Variants in PDGFRL observed in about 807,000 individuals in gnomAD.
PDGFRL encodes the protein platelet derived growth factor receptor like.
In PDGFRL, 46 loss-of-function variants were observed where a neutral mutation model predicts 37.2. The ratio of observed to expected loss-of-function variants is 1.24; its 90% CI spans 0.98 to 1.58. The LOEUF (loss-of-function observed/expected upper bound fraction) is 1.58, where lower values mean the gene tolerates loss of function less well. Among genes scored for constraint, PDGFRL ranks in the 40% most tolerant of loss-of-function variants. The probability of loss-of-function intolerance (pLI) is 0.00; values close to 1 mark genes in which losing one functional copy is unlikely to be tolerated. For synonymous variants in PDGFRL, 251 were observed against 184.3 expected (o/e 1.36, Z -2.93); for missense variants, 692 against 467.6 (o/e 1.48, Z -4.43).
At chr8:17,591,346 C>T (rs1803935552) in intron 2 of PDGFRL, among the ~76,000 whole-genome samples, 1 of 152,110 alleles carries the variant, frequency 6.6e-6, no homozygotes, top group Admixed American at 6.5e-5. Context: ...GTGTGAGAAG[C>T]AAGAAAGAAA....
At chr8:17,621,598 A>T (rs1367751565) in intron 3 of PDGFRL, among the ~76,000 whole-genome samples, 1 of 152,176 alleles carries the variant, frequency 6.6e-6, no homozygotes, top group Non-Finnish European at 1.5e-5. Flanking sequence ...ATGAAATAAA[A>T]TTAAGAACAA....
At chr8:17,582,310 C>T (rs778027685) in intron 1 of PDGFRL, among the ~76,000 whole-genome samples, 11 of 152,086 alleles carry the variant, frequency 7.2e-5, no homozygotes, top group Non-Finnish European at 4.4e-5. Context: ...TTAGGATCAG[C>T]CGGGCAGGGT....
At chr8:17,604,576 G>C (rs1464118594) in intron 2 of PDGFRL, among the ~76,000 whole-genome samples, 2 of 151,936 alleles carry the variant, frequency 1.3e-5, no homozygotes, top group African/African-American at 4.8e-5. Flanking sequence ...CACATACCGG[G>C]GACTGTTGTG....
intron 2 of PDGFRL, among the ~76,000 whole-genome samples, chr8:17,597,981 C>G (rs1804089442): frequency 7.9e-6 from 1 of 127,386 alleles, no homozygotes; most frequent in African/African-American, 2.5e-5. Flanking sequence ...GCATTGTGTT[C>G]TTACCTAGTT....
At chr8:17,629,444 T>C (rs1330726765) in intron 4 of PDGFRL, among the ~76,000 whole-genome samples, 1 of 152,160 alleles carries the variant, frequency 6.6e-6, no homozygotes, top group East Asian at 1.9e-4. Context: ...TAAACCCAAA[T>C]CTGCTGTCTC....
intron 2 of PDGFRL, among the ~76,000 whole-genome samples, chr8:17,593,751 G>A (rs1010483022): frequency 2.0e-5 from 3 of 152,018 alleles, no homozygotes; most frequent in Non-Finnish European, 4.4e-5. Context: ...AAAATTAGCT[G>A]GGCATGGTAC....
chr8:17,617,266 G>A (rs1321546906), intron 2 of PDGFRL, among the ~76,000 whole-genome samples: 4 of 152,324 alleles, frequency 2.6e-5, no homozygotes, highest in East Asian at 1.9e-4. Flanking sequence ...ATGTGTTGGC[G>A]TGTTCAGAGC....
At chr8:17,602,440 C>T (rs1053164375) in intron 2 of PDGFRL, among the ~76,000 whole-genome samples, 1 of 152,096 alleles carries the variant, frequency 6.6e-6, no homozygotes, top group Non-Finnish European at 1.5e-5. Flanking sequence ...AGTACACTCT[C>T]GGTCTGATGG....
intron 3 of PDGFRL, among the ~76,000 whole-genome samples, chr8:17,625,361 A>T (rs879617702): frequency 7.0e-4 from 107 of 152,014 alleles, no homozygotes; most frequent in South Asian, 3.5e-3. Context: ...CATGTTGTCC[A>T]GGAGGGTCTC....
At chr8:17,610,938 C>T (rs943028033) in intron 2 of PDGFRL, among the ~76,000 whole-genome samples, 3 of 152,162 alleles carry the variant, frequency 2.0e-5, no homozygotes, top group African/African-American at 7.2e-5. Flanking sequence ...TTGATGATTT[C>T]GTTGTTATTT....
At chr8:17,586,685 G>A (rs1803824911) in intron 1 of PDGFRL, among the ~76,000 whole-genome samples, 1 of 152,124 alleles carries the variant, frequency 6.6e-6, no homozygotes, top group African/African-American at 2.4e-5. Flanking sequence ...ACTTACTGTA[G>A]GTCAGATGCT....
intron 5 of PDGFRL, among the ~76,000 whole-genome samples, chr8:17,638,090 G>C (rs926535243): frequency 6.6e-6 from 1 of 152,016 alleles, no homozygotes; most frequent in South Asian, 2.1e-4. Context: ...TGCTATGTTT[G>C]GGTTTGGTTT....
intron 2 of PDGFRL, among the ~76,000 whole-genome samples, chr8:17,591,381 G>A (rs1803936269): frequency 6.6e-6 from 1 of 152,162 alleles, no homozygotes; most frequent in Admixed American, 6.5e-5. Flanking sequence ...GGTGCTGGGA[G>A]GAACCTGAGC....
At chr8:17,600,100 C>T (rs1261801858) in intron 2 of PDGFRL, among the ~76,000 whole-genome samples, 1 of 152,200 alleles carries the variant, frequency 6.6e-6, no homozygotes, top group Non-Finnish European at 1.5e-5. Context: ...TCTCTGTCCT[C>T]ATTGTATTCA....
Position 17,595,722 on chromosome 8 carries a change from G to C in PDGFRL, c.353+5957G>C, listed in dbSNP as rs527279965. ...GGCCTCTAGCCCTGTGGTGGGGCGG[G>C]GGTGCTGGGTACCCCAGGTAGAGCT... On this transcript the variant is annotated intron_variant, in intron 2 of 5. Coordinates refer to ENST00000251630, the MANE Select transcript of PDGFRL (RefSeq NM_001372073.1). 6.6e-5 allele frequency among the ~76,000 whole-genome samples: 10 copies of C among 152,314 alleles called. No individual in the cohort carries two copies. In the South Asian group the frequency reaches 2.1e-3, roughly 32 times the overall value.
intron 2 of PDGFRL, among the ~76,000 whole-genome samples, chr8:17,613,597 C>G (rs2720570): frequency 0.98 from 148,983 of 152,272 alleles, 72,974 homozygotes; most frequent in Middle Eastern, 1. Context: ...TCCAGAGAAG[C>G]CCAGGCGCAG....
chr8:17,620,957 A>G, intron 2 of PDGFRL, 94 bp from the exon 3 acceptor site: 1 of 757,076 alleles, frequency 1.3e-6, no homozygotes, highest in Non-Finnish European at 2.0e-6. Flanking sequence ...AGATTGGGGC[A>G]AGTCTGCCCA....
At position 17,633,055 on chromosome 8, in the gene PDGFRL, A is replaced by C. The variant is rs1585334786; in HGVS notation, c.800-1019A>C. On this transcript the variant is annotated intron_variant, in intron 4 of 5. Coordinates refer to ENST00000251630, the MANE Select transcript of PDGFRL (RefSeq NM_001372073.1). ...TCACTCAGTGTCCCGCCCCTTTGCT[A>C]GAATACAGATTCCAAGGGCTCAGAG... Among the ~76,000 whole-genome samples, 4 of 152,276 alleles carry C rather than the reference A, an allele frequency of 2.6e-5. No homozygotes were observed. The South Asian group carries it at 8.3e-4, about 32-fold the overall frequency.
intron 2 of PDGFRL, among the ~76,000 whole-genome samples, chr8:17,606,703 A>C (rs377413584): frequency 4.7e-4 from 71 of 151,824 alleles, no homozygotes; most frequent in African/African-American, 1.6e-3. Context: ...GTTCAGGACA[A>C]GGGTGGGGGG....
Sources: allele counts gnomAD v4.1 joint callset (sites outside exome capture counted in the v4.1 genomes callset), GRCh38; gene constraint gnomAD v4.1.1; transcripts MANE v1.5; gene names NCBI Gene and HGNC (gene_info 2026-07-23, HGNC 2026-07-21).